Variants in ANXA4 observed in about 807,000 individuals in gnomAD.
The protein encoded by ANXA4 is annexin A4, also known as 35-beta calcimedin.
In ANXA4, 39 loss-of-function variants were observed where a neutral mutation model predicts 49.8. The observed-to-expected ratio is 0.78, with a 90% CI of 0.61 to 1.02. ANXA4 has a LOEUF of 1.02. ANXA4 is among the 50% of genes least tolerant of loss of function. The pLI, the probability that ANXA4 is intolerant of heterozygous loss-of-function variation, is 0.00. For synonymous variants in ANXA4, 134 were observed against 152.5 expected, an observed-to-expected ratio of 0.88 and a Z score of 0.89; for missense variants, 360 against 410.1, an observed-to-expected ratio of 0.88 and a Z score of 1.05.
intron 3 of ANXA4, among the ~76,000 whole-genome samples, chr2:69,795,952 G>A (rs1415888425): frequency 6.6e-6 from 1 of 152,322 alleles, no homozygotes; most frequent in Admixed American, 6.5e-5. Context: ...TGATTGGACA[G>A]GAGAACAGAG....
intron 2 of ANXA4, among the ~76,000 whole-genome samples, chr2:69,668,562 A>G (rs1037730728): frequency 6.6e-6 from 1 of 152,228 alleles, no homozygotes; most frequent in African/African-American, 2.4e-5. Context: ...ATATACACAT[A>G]TATATCTTTC....
At chr2:69,741,369 G>T (rs1396800023), upstream of ANXA4, among the ~76,000 whole-genome samples, 1 of 152,178 alleles carries the variant, frequency 6.6e-6, no homozygotes, top group Non-Finnish European at 1.5e-5. Flanking sequence ...AAGCAGATAT[G>T]AAAACACAGA....
chr2:69,700,155 A>G (rs934457119), intron 2 of ANXA4: 3 of 152,276 alleles, frequency 2.0e-5, no homozygotes, highest in African/African-American at 7.2e-5. Flanking sequence ...TCCAAATGGA[A>G]ACACATCTTG....
intron 1 of ANXA4, among the ~76,000 whole-genome samples, chr2:69,750,575 G>C (rs1670799010): frequency 6.6e-6 from 1 of 152,162 alleles, no homozygotes; most frequent in African/African-American, 2.4e-5. Flanking sequence ...GCCACACCCA[G>C]CTAATTTTTT....
intron 1 of ANXA4, among the ~76,000 whole-genome samples, chr2:69,760,131 CTGTTTTATCTTTTTT>C (rs1671221801): frequency 6.6e-6 from 1 of 152,206 alleles, no homozygotes; most frequent in South Asian, 2.1e-4. Flanking sequence ...CACGCCCGGC[CTGTTTTATCTTTTTT>C]TGTGATTTTT....
chr2:69,775,946 T>TTTTA (rs1430538998), intron 1 of ANXA4, among the ~76,000 whole-genome samples: 5 of 136,828 alleles, frequency 3.7e-5, no homozygotes, highest in African/African-American at 1.4e-4. Flanking sequence ...TTCCAGGCCA[T>TTTTA]TTTATTTATT....
intron 2 of ANXA4, among the ~76,000 whole-genome samples, chr2:69,703,469 A>G (rs1034332965): frequency 6.6e-6 from 1 of 152,122 alleles, no homozygotes; most frequent in African/African-American, 2.4e-5. Flanking sequence ...CTTTGTCTCT[A>G]TGGATTCCCA....
intron 3 of ANXA4, among the ~76,000 whole-genome samples, chr2:69,796,295 A>G (rs926829247): frequency 7.2e-5 from 11 of 152,204 alleles, no homozygotes; most frequent in African/African-American, 2.7e-4. Flanking sequence ...GGACTCTGCA[A>G]GCCTGCAAAG....
intron 1 of ANXA4, among the ~76,000 whole-genome samples, chr2:69,647,364 T>C (rs1676044819): frequency 6.7e-6 from 1 of 149,406 alleles, no homozygotes; most frequent in African/African-American, 2.5e-5. Flanking sequence ...AATATATATA[T>C]ATTGTTTTAT....
At chr2:69,737,972 GA>G (rs923040454), upstream of ANXA4, among the ~76,000 whole-genome samples, 2 of 150,782 alleles carry the variant, frequency 1.3e-5, no homozygotes, top group Non-Finnish European at 3.0e-5. Context: ...CAAAAAGAAA[GA>G]AAAAAAAGAC....
intron 1 of ANXA4, among the ~76,000 whole-genome samples, chr2:69,749,626 T>C (rs1347229256): frequency 6.6e-6 from 1 of 152,122 alleles, no homozygotes; most frequent in Non-Finnish European, 1.5e-5. Context: ...TGTGGTATGC[T>C]ACCATTTTGG....
In ANXA4 at chr2:69,762,306, A is replaced by G. The variant is rs78564807; in HGVS notation, c.-46-19214A>G. ...GGAGGCTGAGGTGGAGAATCACTGG[A>G]CCCTAAAAGCTGGAGGCTGCACTGA... On this transcript the variant is annotated intron_variant, in intron 1 of 12. Coordinates refer to ENST00000394295, the MANE Select transcript of ANXA4 (RefSeq NM_001153.5). 1.3e-3 allele frequency among the ~76,000 whole-genome samples: 192 copies of G among 151,618 alleles called. 5 individuals carry two copies. The East Asian group carries it at 0.035, about 28-fold the overall frequency.
At chr2:69,783,013 G>A (rs1319777942) in intron 2 of ANXA4, among the ~76,000 whole-genome samples, 1 of 152,072 alleles carries the variant, frequency 6.6e-6, no homozygotes, top group Non-Finnish European at 1.5e-5. Context: ...TTAAATAAGA[G>A]TAATAAGAGC....
At chr2:69,724,159 C>T (rs540486876) in intron 3 of ANXA4, among the ~76,000 whole-genome samples, 2 of 152,282 alleles carry the variant, frequency 1.3e-5, no homozygotes, top group South Asian at 4.1e-4. Context: ...AATGGAAATC[C>T]ACATGCAACA....
chr2:69,651,687 A>G (rs1183129750), intron 1 of ANXA4, among the ~76,000 whole-genome samples: 1 of 151,654 alleles, frequency 6.6e-6, no homozygotes, highest in Non-Finnish European at 1.5e-5. Flanking sequence ...TATTTTTAGT[A>G]GAGACAGCGT....
intron 1 of ANXA4, among the ~76,000 whole-genome samples, chr2:69,755,369 C>T (rs149208399): frequency 1.0e-3 from 159 of 152,306 alleles, no homozygotes; most frequent in African/African-American, 3.6e-3. Flanking sequence ...CCTGTAATCC[C>T]AGCACTTTGG....
Position 69,676,474 on chromosome 2 carries a change from A to T in ANXA4, n.766+23192A>T, listed in dbSNP as rs1677417572. On this transcript the variant is annotated intron_variant and non_coding_transcript_variant, in intron 2 of 3. Coordinates refer to the ANXA4 transcript ENST00000418066. The stretch of plus-strand genomic sequence containing the variant: ...TTGAGAATTTGAATTTTTAAATGTT[A>T]TATTGTATTTGAATTTGCTTTTAAA... 1.3e-5 allele frequency among the ~76,000 whole-genome samples: 2 copies of T among 152,242 alleles called. 1 individual carries two copies. Among genetic ancestry groups the T allele is most frequent in the African/African-American group, 4.8e-5 (2 of 41,456 alleles).
chr2:69,822,383 A>G (rs1365547868), intron 12 of ANXA4, among the ~76,000 whole-genome samples: 1 of 152,238 alleles, frequency 6.6e-6, no homozygotes, highest in East Asian at 1.9e-4. Flanking sequence ...AAATTTTAAC[A>G]TAGAATGACC....
At chr2:69,811,641 A>G (rs1673706904) in intron 7 of ANXA4, among the ~76,000 whole-genome samples, 2 of 152,164 alleles carry the variant, frequency 1.3e-5, no homozygotes, top group Admixed American at 6.5e-5. Context: ...TAGATGTTTC[A>G]TTACAGATAT....
Sources: gnomAD v4.1 joint callset for allele counts (sites outside exome capture counted in the v4.1 genomes callset) on GRCh38, gnomAD v4.1.1 for gene constraint, MANE v1.5 for transcripts, NCBI Gene and HGNC (gene_info 2026-07-23, HGNC 2026-07-21) for gene names.